CDH18: variants seen among roughly 807,000 people sequenced by gnomAD.
The protein encoded by CDH18 is cadherin-18.
Under a neutral mutation model 67.9 loss-of-function variants are expected in CDH18, and 31 were observed. The ratio of observed to expected loss-of-function variants is 0.46; its 90% CI spans 0.34 to 0.62. CDH18 has a LOEUF of 0.62. Among genes scored for constraint, CDH18 ranks in the 20% least tolerant of loss-of-function variants. The probability of loss-of-function intolerance (pLI) is 0.01; values close to 1 mark genes in which losing one functional copy is unlikely to be tolerated. For synonymous variants in CDH18, 362 were observed against 347.2 expected, an observed-to-expected ratio of 1.04 and a Z score of -0.48; for missense variants, 890 against 975.5, an observed-to-expected ratio of 0.91 and a Z score of 1.17.
intron 2 of CDH18, among the ~76,000 whole-genome samples, chr5:19,875,703 TAGAA>T (rs549811995): frequency 3.9e-5 from 6 of 152,030 alleles, no homozygotes; most frequent in Admixed American, 6.6e-5. Context: ...TTGTTGAATC[TAGAA>T]AGAATTTGTT....
At chr5:19,802,502 CA>C (rs1777574429) in intron 3 of CDH18, among the ~76,000 whole-genome samples, 1 of 151,944 alleles carries the variant, frequency 6.6e-6, no homozygotes, top group Non-Finnish European at 1.5e-5. Context: ...GATGGCATAA[CA>C]GATAAGATAA....
At position 19,935,426 on chromosome 5, in the gene CDH18, A is replaced by C. The variant is rs184071884; in HGVS notation, c.-257+45634T>G. ...GATTTTGCTATTAATACAGTATTTT[A>C]ATGTACACACTTTTTCTATGTTTTG... On this transcript the variant is annotated intron_variant, in intron 2 of 12. Coordinates refer to ENST00000382275, the MANE Select transcript of CDH18 (RefSeq NM_004934.5). Among the ~76,000 whole-genome samples the C allele has an allele frequency of 7.3e-4, 111 of 151,376 alleles. 1 individual carries two copies. Among genetic ancestry groups the C allele is most frequent in the African/African-American group, 2.5e-3 (102 of 41,476 alleles).
At chr5:19,627,436 T>C (rs893348867) in intron 5 of CDH18, among the ~76,000 whole-genome samples, 2 of 152,190 alleles carry the variant, frequency 1.3e-5, no homozygotes, top group Non-Finnish European at 2.9e-5. Context: ...CTTTGCTGAA[T>C]CAGATAGTAA....
chr5:20,361,362 TA>T (rs1035301008), intron 1 of CDH18, among the ~76,000 whole-genome samples: 4 of 151,994 alleles, frequency 2.6e-5, no homozygotes, highest in African/African-American at 9.7e-5. Context: ...CATTTTATAC[TA>T]AAAAAAGATT....
intron 1 of CDH18, among the ~76,000 whole-genome samples, chr5:20,467,930 T>C (rs1751759221): frequency 6.6e-6 from 1 of 152,030 alleles, no homozygotes; most frequent in Non-Finnish European, 1.5e-5. Context: ...TTATTTATTT[T>C]CTTTACTTAC....
At chr5:19,957,390 G>A (rs1796352679) in intron 2 of CDH18, among the ~76,000 whole-genome samples, 1 of 151,054 alleles carries the variant, frequency 6.6e-6, no homozygotes, top group African/African-American at 2.4e-5. Context: ...CATATACATA[G>A]AAGGAATAAT....
At chr5:20,475,607 C>A (rs951454421) in intron 1 of CDH18, among the ~76,000 whole-genome samples, 1 of 151,870 alleles carries the variant, frequency 6.6e-6, no homozygotes, top group Non-Finnish European at 1.5e-5. Context: ...ATCATAAGTT[C>A]TAAAAGTTTT....
intron 2 of CDH18, among the ~76,000 whole-genome samples, chr5:19,920,510 CT>C (rs66464033): frequency 0.74 from 61,153 of 82,920 alleles, 22,884 homozygotes; most frequent in South Asian, 0.92. Context: ...TTTAACCTTA[CT>C]TTTTTTTTTT....
intron 1 of CDH18, among the ~76,000 whole-genome samples, chr5:20,501,408 A>T (rs909461631): frequency 1.5e-4 from 21 of 140,166 alleles, no homozygotes; most frequent in South Asian, 2.2e-4. Flanking sequence ...AAATATATAT[A>T]TTTTTATATA....
chr5:20,380,222 C>A (rs1329251973), intron 1 of CDH18, among the ~76,000 whole-genome samples: 2 of 151,978 alleles, frequency 1.3e-5, no homozygotes, highest in African/African-American at 4.8e-5. Context: ...TATTTGGCAC[C>A]ACAACTAAGT....
intron 1 of CDH18, among the ~76,000 whole-genome samples, chr5:20,289,416 C>T (rs1463890104): frequency 6.6e-6 from 1 of 151,958 alleles, no homozygotes; most frequent in Non-Finnish European, 1.5e-5. Context: ...AATATTGTCA[C>T]TAAGAGTGGT....
chr5:19,584,602 G>A (rs1258621236), intron 7 of CDH18, among the ~76,000 whole-genome samples: 6 of 151,578 alleles, frequency 4.0e-5, no homozygotes, highest in African/African-American at 9.7e-5. Flanking sequence ...AAAAAATTAC[G>A]TGAATGCAAC....
At chr5:19,541,204 T>C (rs1462063857) in intron 9 of CDH18, among the ~76,000 whole-genome samples, 3 of 152,140 alleles carry the variant, frequency 2.0e-5, no homozygotes, top group Non-Finnish European at 2.9e-5. Flanking sequence ...CCATCTGAGA[T>C]CACATCAGCC....
intron 2 of CDH18, among the ~76,000 whole-genome samples, chr5:20,031,920 TAG>T (rs561339570): frequency 8.1e-4 from 123 of 152,068 alleles, no homozygotes; most frequent in African/African-American, 2.9e-3. Flanking sequence ...GCAAAGCAAA[TAG>T]AGTGTCCAAC....
intron 2 of CDH18, among the ~76,000 whole-genome samples, chr5:20,241,892 G>GTATA (rs1554106527): frequency 3.4e-5 from 1 of 29,292 alleles, no homozygotes; most frequent in African/African-American, 9.2e-5. Flanking sequence ...ATATATATAT[G>GTATA]TATATATATA....
intron 1 of CDH18, among the ~76,000 whole-genome samples, chr5:20,503,387 G>A (rs568654993): frequency 1.6e-4 from 24 of 151,832 alleles, no homozygotes; most frequent in African/African-American, 4.8e-4. Context: ...ATCAACTATT[G>A]TGTTAATATA....
intron 2 of CDH18, among the ~76,000 whole-genome samples, chr5:20,128,076 T>C (rs1160299703): frequency 6.6e-6 from 1 of 152,024 alleles, no homozygotes. Context: ...GTCTCCCCAG[T>C]GGGCCTCCCT....
chr5:20,309,196 T>G (rs746172978), intron 1 of CDH18, among the ~76,000 whole-genome samples: 2 of 152,228 alleles, frequency 1.3e-5, no homozygotes, highest in Non-Finnish European at 2.9e-5. Flanking sequence ...TAGAGAAAAT[T>G]GTCTTGTTTC....
chr5:19,741,218 T>C (rs1338186395), intron 4 of CDH18, among the ~76,000 whole-genome samples: 1 of 116,352 alleles, frequency 8.6e-6, no homozygotes, highest in Non-Finnish European at 2.0e-5. Flanking sequence ...CATATATGTA[T>C]ATATACATGT....
Sources: gnomAD v4.1 joint callset for allele counts (sites outside exome capture counted in the v4.1 genomes callset) on GRCh38, gnomAD v4.1.1 for gene constraint, MANE v1.5 for transcripts, NCBI Gene and HGNC (gene_info 2026-07-23, HGNC 2026-07-21) for gene names.